Variants in ECT2L observed in about 807,000 individuals in gnomAD.
The protein encoded by ECT2L is epithelial cell-transforming sequence 2 oncogene-like.
ECT2L carries 126 observed loss-of-function variants against 122.8 expected under a neutral mutation model. That is an observed-to-expected ratio of 1.03 (90% CI 0.89 to 1.19). The LOEUF is 1.19. Among genes scored for constraint, ECT2L ranks in the 50% most tolerant of loss-of-function variants. The probability of loss-of-function intolerance (pLI) is 0.00; values close to 1 mark genes in which losing one functional copy is unlikely to be tolerated. For synonymous variants in ECT2L, 385 were observed against 381.8 expected (o/e 1.01, Z -0.10); for missense variants, 1,012 against 1,064.1 (o/e 0.95, Z 0.68).
intron 20 of ECT2L, among the ~76,000 whole-genome samples, chr6:138,893,934 A>G (rs570011172): frequency 2.0e-5 from 3 of 152,362 alleles, no homozygotes; most frequent in African/African-American, 7.2e-5. Context: ...GCAGCCTATC[A>G]TTCCAGCTTT....
chr6:138,808,527 T>G (rs1284852545), intron 1 of ECT2L, among the ~76,000 whole-genome samples: 1 of 152,178 alleles, frequency 6.6e-6, no homozygotes, highest in Non-Finnish European at 1.5e-5. Context: ...TTAAATGCTG[T>G]TATAAATGAT....
Position 138,904,064 on chromosome 6 carries a change from C to T in ECT2L, c.*1437C>T, listed in dbSNP as rs1291762477. 1 of 152,128 alleles carries T rather than the reference C, an allele frequency of 6.6e-6. No individual in the cohort carries two copies. Among genetic ancestry groups the T allele is most frequent in the African/African-American group, 2.4e-5 (1 of 41,432 alleles). The allele number at this position is 152,128 out of a possible 1,614,324, so 9.4% of individuals were successfully genotyped here. A position where few individuals can be genotyped will look rare whatever the true frequency, so the allele number is the denominator to read the frequency against. The stretch of plus-strand genomic sequence containing the variant: ...GTGTAAAACCACACTTCTGATTCTG[C>T]CAAGATATATCCATGCAGTTTAAAA... On this transcript the variant is annotated 3_prime_UTR_variant, in exon 22 of 22. Transcript: ENST00000541398.
In ECT2L at chr6:138,902,661, TC is replaced by T; in HGVS notation, c.*38del. 2.5e-6 allele frequency: 4 copies of T among 1,610,906 alleles called. No individual in the cohort carries two copies. Among genetic ancestry groups the T allele is most frequent in the Non-Finnish European group, 3.4e-6 (4 of 1,178,532 alleles). ...TTGAAAACTTCAGGGGTGCCAATTC[TC>T]CCCAGCAAAGACAGACAACATGTAT... On this transcript the variant is annotated 3_prime_UTR_variant, in exon 22 of 22. Transcript: ENST00000541398.
rs754116354 is a variant in ECT2L, at chr6:138,814,548, C to CAACG, written c.125_128dup (p.Gln44ThrfsTer14). On this transcript the variant is annotated frameshift_variant, in exon 4 of 22. Transcript: ENST00000541398. LOFTEE classifies it high-confidence loss of function. ...TTGGTTTGACCTCTGGACTAACAAG[C>CAACG]AACGTCAAGAATTCTTATTCGCAAT... 2 of 1,612,472 alleles carry CAACG rather than the reference C, an allele frequency of 1.2e-6. No individual in the cohort carries two copies. Among genetic ancestry groups the CAACG allele is most frequent in the Non-Finnish European group, 1.7e-6 (2 of 1,178,984 alleles).
chr6:138,843,020 T>G lies in ECT2L; in HGVS notation c.384T>G (p.Phe128Leu). 1.3e-6 allele frequency: 2 copies of G among 1,593,336 alleles called. No homozygotes were observed. The highest frequency in any genetic ancestry group is 1.7e-6 in the Non-Finnish European group (2 of 1,165,748). Residue 128 changes from phenylalanine (F) to leucine (L), a missense_variant, in exon 6 of 22, where the codon TTT becomes TTG. Physicochemically the swap from Phe to Leu is conservative, Grantham distance 22 (BLOSUM62 0). Coordinates refer to ENST00000541398, the MANE Select transcript of ECT2L (RefSeq NM_001077706.3). ...WMPKCVKFGWFLPYTPTDNEY... is the reference protein window; with the variant it reads ...WMPKCVKFGWLLPYTPTDNEY... ...CCAAATGCGTTAAGTTCGGATGGTTTCTGCCCTATACTCCAACAGATAATG... is the reference window on the plus strand; with the variant it reads ...CCAAATGCGTTAAGTTCGGATGGTTGCTGCCCTATACTCCAACAGATAATG...
intron 4 of ECT2L, among the ~76,000 whole-genome samples, chr6:138,827,942 AT>A (rs34074477): frequency 2.7e-5 from 4 of 150,232 alleles, no homozygotes; most frequent in Non-Finnish European, 3.0e-5. Context: ...ATAAAGGACT[AT>A]TTTTTTTTTA....
At chr6:138,868,481 C>CTT (rs796249181) in intron 13 of ECT2L, among the ~76,000 whole-genome samples, 1 of 137,200 alleles carries the variant, frequency 7.3e-6, no homozygotes, top group Non-Finnish European at 1.6e-5. Flanking sequence ...TCAGAAGTGA[C>CTT]TTTTTTTTTT....
intron 21 of ECT2L, 79 bp from the exon 22 acceptor site, chr6:138,902,421 A>C (rs1043040562): frequency 7.3e-6 from 10 of 1,372,850 alleles, no homozygotes; most frequent in Admixed American, 6.7e-5. Flanking sequence ...AAAGATGATG[A>C]TTTTTGAGTA....
chr6:138,797,189 T>TTTTA (rs1775373143), intron 1 of ECT2L, among the ~76,000 whole-genome samples: 1 of 152,164 alleles, frequency 6.6e-6, no homozygotes, highest in African/African-American at 2.4e-5. Context: ...TGGCATGTAG[T>TTTTA]TTTACATGCC....
intron 20 of ECT2L, among the ~76,000 whole-genome samples, chr6:138,899,361 T>C (rs927941884): frequency 1.3e-5 from 2 of 152,158 alleles, no homozygotes; most frequent in African/African-American, 4.8e-5. Flanking sequence ...CCATTGCTGA[T>C]TGAGAAAAGC....
chr6:138,826,332 G>A (rs1776449519), intron 4 of ECT2L, among the ~76,000 whole-genome samples: 1 of 152,150 alleles, frequency 6.6e-6, no homozygotes, highest in African/African-American at 2.4e-5. Flanking sequence ...CAACAGCAAG[G>A]TAGATTGTTT....
At chr6:138,833,618 C>T (rs185734732) in intron 4 of ECT2L, among the ~76,000 whole-genome samples, 291 of 152,138 alleles carry the variant, frequency 1.9e-3, no homozygotes, top group Non-Finnish European at 3.0e-3. Context: ...GCCTGGCCAA[C>T]GTGACGAAAC....
chr6:138,826,581 C>T (rs1776460141), intron 4 of ECT2L, among the ~76,000 whole-genome samples: 1 of 152,080 alleles, frequency 6.6e-6, no homozygotes, highest in South Asian at 2.1e-4. Flanking sequence ...GCAGGAGAAC[C>T]TCTTGAACCC....
Position 138,822,700 on chromosome 6 carries a change from G to A in ECT2L, c.179+8097G>A, listed in dbSNP as rs12178979. The A allele has an allele frequency of 1.7e-3, 2,540 of 1,515,092 alleles. 39 individuals carry two copies. The African/African-American group carries it at 0.03, about 18-fold the overall frequency. The allele number at this position is 1,515,092 out of a possible 1,614,324, so 93.9% of individuals were successfully genotyped here. On this transcript the variant is annotated intron_variant, in intron 4 of 21. Coordinates refer to ENST00000541398, the MANE Select transcript of ECT2L (RefSeq NM_001077706.3). ...CCGGTCTACAGCTCCCAGCGTGAGC[G>A]ACGCAGAAGACGGGTGATTTCTGCA... is the stretch of plus-strand genomic sequence containing the variant.
chr6:138,838,615 G>A, intron 5 of ECT2L, 101 bp downstream of exon 5: 3 of 1,193,258 alleles, frequency 2.5e-6, no homozygotes, highest in Non-Finnish European at 3.4e-6. Flanking sequence ...ATAGCTGAGG[G>A]TACCTGATCC....
chr6:138,803,726 G>A (rs1377004870), intron 1 of ECT2L, among the ~76,000 whole-genome samples: 2 of 152,176 alleles, frequency 1.3e-5, no homozygotes, highest in Admixed American at 6.5e-5. Context: ...CAATTTTGGG[G>A]AGTCAAAGCA....
At position 138,885,498 on chromosome 6, in the gene ECT2L, C is replaced by A. The variant is rs568712336; in HGVS notation, c.2029-8C>A. On this transcript the variant is annotated splice_region_variant and splice_polypyrimidine_tract_variant and intron_variant, in intron 16 of 21. Coordinates refer to ENST00000541398, the MANE Select transcript of ECT2L (RefSeq NM_001077706.3). ...TAAAGTTTTGACAATATAATCCTCA[C>A]CTTTTAGTGCAGAGAAATGATACCA... The A allele has an allele frequency of 2.5e-6, 4 of 1,613,758 alleles. No homozygotes were observed. In the South Asian group the frequency reaches 4.4e-5, roughly 18 times the overall value.
At chr6:138,803,068 G>C (rs1276410624) in intron 1 of ECT2L, among the ~76,000 whole-genome samples, 2 of 107,504 alleles carry the variant, frequency 1.9e-5, no homozygotes, top group African/African-American at 1.1e-4. Context: ...CACAGAGAGA[G>C]ACTGTCTCAA....
intron 4 of ECT2L, among the ~76,000 whole-genome samples, chr6:138,818,641 T>C (rs967684353): frequency 2.0e-5 from 3 of 152,216 alleles, no homozygotes; most frequent in Non-Finnish European, 2.9e-5. Context: ...CTACAGGGAC[T>C]GCTGCATGGG....
Sources: allele counts gnomAD v4.1 joint callset (sites outside exome capture counted in the v4.1 genomes callset), GRCh38; gene constraint gnomAD v4.1.1; transcripts MANE v1.5; gene names NCBI Gene and HGNC (gene_info 2026-07-23, HGNC 2026-07-21).